The following SYNPO2 variants were observed in gnomAD, a reference collection of about 807,000 sequenced individuals.
The protein encoded by SYNPO2 is synaptopodin-2.
In SYNPO2, 56 loss-of-function variants were observed where a neutral mutation model predicts 85.0. That is an observed-to-expected ratio of 0.66 (90% CI 0.53 to 0.82). The LOEUF is 0.82. Ranked by LOEUF, SYNPO2 falls within the 40% of genes least tolerant of loss-of-function variation. The probability of loss-of-function intolerance (pLI) is 0.00; values close to 1 mark genes in which losing one functional copy is unlikely to be tolerated. For missense variants in SYNPO2, 1,575 were observed against 1,534.2 expected, an observed-to-expected ratio of 1.03 and a Z score of -0.44; for synonymous variants, 602 against 591.1, an observed-to-expected ratio of 1.02 and a Z score of -0.27.
chr4:118,986,131 T>G (rs1467067132), intron 1 of SYNPO2, among the ~76,000 whole-genome samples: 2 of 152,252 alleles, frequency 1.3e-5, no homozygotes, highest in African/African-American at 4.8e-5. Context: ...ATGACCTTTG[T>G]TCTCACAATT....
At chr4:118,865,048 A>G (rs1731676846) in intron 1 of SYNPO2, among the ~76,000 whole-genome samples, 1 of 152,242 alleles carries the variant, frequency 6.6e-6, no homozygotes, top group South Asian at 2.1e-4. Context: ...CTGAGGGAAC[A>G]AAAGGAATAT....
intron 1 of SYNPO2, among the ~76,000 whole-genome samples, chr4:118,858,048 G>A (rs1190235769): frequency 3.3e-5 from 5 of 152,098 alleles, no homozygotes; most frequent in South Asian, 4.1e-4. Context: ...TTGATTCTAC[G>A]TTGGTTCTCT....
rs1198411733 is a variant in SYNPO2, at chr4:118,882,827, T to C, written c.12+31887T>C. On this transcript the variant is annotated intron_variant, in intron 1 of 4. Coordinates refer to the SYNPO2 transcript ENST00000610556. ...CTCTGTCGCCCAGGCTGAAGTGCAATGGTGCGATCTCGGCTCACTGCAAGC... is the reference window on the plus strand; with the variant it reads ...CTCTGTCGCCCAGGCTGAAGTGCAACGGTGCGATCTCGGCTCACTGCAAGC... Among the ~76,000 whole-genome samples, 8 of 151,836 alleles carry C rather than the reference T, an allele frequency of 5.3e-5. No individual in the cohort carries two copies. The East Asian group carries it at 1.6e-3, about 29-fold the overall frequency.
intron 1 of SYNPO2, among the ~76,000 whole-genome samples, chr4:118,961,301 C>G (rs989108223): frequency 2.0e-5 from 3 of 152,098 alleles, no homozygotes; most frequent in Non-Finnish European, 4.4e-5. Flanking sequence ...CCTACAGATT[C>G]CACAGGAGCT....
chr4:119,027,520 A>G (rs1738023913), intron 3 of SYNPO2, 82 bp downstream of exon 3: 1 of 1,290,686 alleles, frequency 7.7e-7, no homozygotes, highest in South Asian at 1.8e-5. Flanking sequence ...GTTTTTCAGC[A>G]AGATTTTTCT....
Position 119,030,831 on chromosome 4 carries a change from G to C in SYNPO2, c.2056G>C (p.Glu686Gln). The C allele has an allele frequency of 1.2e-6, 2 of 1,614,136 alleles. No homozygotes were observed. Among genetic ancestry groups the C allele is most frequent in the Non-Finnish European group, 1.7e-6 (2 of 1,180,030 alleles). Residue 686 changes from glutamate to glutamine, a missense_variant, in exon 4 of 5, where the codon GAG becomes CAG. By Grantham distance (29) the Glu-to-Gln change is conservative. Coordinates refer to ENST00000307142, the MANE Select transcript of SYNPO2 (RefSeq NM_133477.3). ...AGCAAAAAGAACAGGAATATTGCAGGAGGCCAAAAGGAGAAGCACGACAAA... is the reference window on the plus strand; with the variant it reads ...AGCAAAAAGAACAGGAATATTGCAGCAGGCCAAAAGGAGAAGCACGACAAA... ...VPAKRTGILQ[E>Q]AKRRSTTKPM...
At chr4:119,033,892 C>T in intron 4 of SYNPO2, 1 of 985,368 alleles carries the variant, frequency 1.0e-6, no homozygotes. Flanking sequence ...TTAGGTATTT[C>T]TAAAACATAA....
intron 1 of SYNPO2, among the ~76,000 whole-genome samples, chr4:119,010,695 T>TTAGATATATATATTAGATAGATATATA (rs1737263804): frequency 6.6e-6 from 1 of 152,248 alleles, no homozygotes; most frequent in Non-Finnish European, 1.5e-5. Context: ...TGGGTTGTAA[T>TTAGATATATATATTAGATAGATATATA]TATCTACTCT....
intron 2 of SYNPO2, among the ~76,000 whole-genome samples, chr4:119,024,059 C>T (rs1737840209): frequency 6.6e-6 from 1 of 152,128 alleles, no homozygotes; most frequent in Non-Finnish European, 1.5e-5. Flanking sequence ...CCGGATTTCT[C>T]CAGTAAAACC....
chr4:118,986,217 C>T (rs1275585481), intron 1 of SYNPO2, among the ~76,000 whole-genome samples: 1 of 152,124 alleles, frequency 6.6e-6, no homozygotes, highest in Non-Finnish European at 1.5e-5. Context: ...AGTAATCAGC[C>T]CATAGGATGC....
chr4:118,914,598 T>C (rs1180001918), intron 1 of SYNPO2, among the ~76,000 whole-genome samples: 3 of 152,116 alleles, frequency 2.0e-5, no homozygotes, highest in Admixed American at 2.0e-4. Context: ...GGAGGGTTTT[T>C]TTGTGATATT....
chr4:118,895,729 C>T (rs28711592), intron 1 of SYNPO2, among the ~76,000 whole-genome samples: 9,733 of 152,190 alleles, frequency 0.064, 972 homozygotes, highest in African/African-American at 0.22. Flanking sequence ...GGATCCTTGC[C>T]TTGCCAAATG....
intron 1 of SYNPO2, among the ~76,000 whole-genome samples, chr4:118,912,565 TTGAC>T (rs1288354879): frequency 6.6e-6 from 1 of 152,240 alleles, no homozygotes. Context: ...TAGTAAAAAC[TTGAC>T]TGTCTACTCC....
intron 4 of SYNPO2, among the ~76,000 whole-genome samples, chr4:119,045,502 T>C (rs1037762): frequency 0.32 from 48,767 of 152,144 alleles, 8,607 homozygotes; most frequent in East Asian, 0.57. Context: ...TTGTTTATTT[T>C]AAACAAGATC....
upstream of SYNPO2, chr4:118,888,759 C>G (rs899200654): frequency 5.0e-5 from 23 of 461,704 alleles, no homozygotes; most frequent in Non-Finnish European, 8.5e-5. Flanking sequence ...TTCCTTTCCT[C>G]GAAGGTGGGC....
chr4:119,007,220 A>G (rs1211485372), intron 1 of SYNPO2, among the ~76,000 whole-genome samples: 19 of 38,568 alleles, frequency 4.9e-4, no homozygotes, highest in East Asian at 1.3e-3. Context: ...ACAAAGGTAT[A>G]TATATATATA....
At chr4:118,903,714 G>C (rs886284361) in intron 1 of SYNPO2, among the ~76,000 whole-genome samples, 1 of 120,378 alleles carries the variant, frequency 8.3e-6, no homozygotes, top group Non-Finnish European at 1.9e-5. Flanking sequence ...CTTAAAAATG[G>C]TACAATTTTT....
chr4:118,964,662 C>T (rs889467647), intron 1 of SYNPO2, among the ~76,000 whole-genome samples: 1 of 152,136 alleles, frequency 6.6e-6, no homozygotes, highest in Non-Finnish European at 1.5e-5. Flanking sequence ...TTCCCTCCCA[C>T]TCTTTGATTT....
intron 1 of SYNPO2, among the ~76,000 whole-genome samples, chr4:118,854,479 A>G (rs1376152654): frequency 6.6e-6 from 1 of 152,226 alleles, no homozygotes; most frequent in Non-Finnish European, 1.5e-5. Flanking sequence ...TTTTTTTTCT[A>G]TATGAATCAA....
Sources: allele counts gnomAD v4.1 joint callset (sites outside exome capture counted in the v4.1 genomes callset), GRCh38; gene constraint gnomAD v4.1.1; transcripts MANE v1.5; gene names NCBI Gene and HGNC (gene_info 2026-07-23, HGNC 2026-07-21).